Variants in RYR3 observed in about 807,000 individuals in gnomAD.
RYR3 encodes the protein brain ryanodine receptor-calcium release channel.
Under a neutral mutation model 584.3 loss-of-function variants are expected in RYR3, and 207 were observed. The ratio of observed to expected loss-of-function variants is 0.35; its 90% CI spans 0.32 to 0.40. The LOEUF is 0.40. Among genes scored for constraint, RYR3 ranks in the 10% least tolerant of loss-of-function variants. RYR3 has a pLI of 1.00. For synonymous variants in RYR3, 2,416 were observed against 2,248.5 expected (o/e 1.07, Z -2.11); for missense variants, 5,616 against 6,089.2 (o/e 0.92, Z 2.59).
At chr15:33,834,232 C>T (rs1211743424) in intron 86 of RYR3, among the ~76,000 whole-genome samples, 4 of 150,798 alleles carry the variant, frequency 2.7e-5, no homozygotes, top group Admixed American at 6.6e-5. Flanking sequence ...TGCAGTAAGC[C>T]GAGATCATGC....
At chr15:33,760,996 A>T (rs1042078383) in intron 60 of RYR3, among the ~76,000 whole-genome samples, 12 of 152,226 alleles carry the variant, frequency 7.9e-5, no homozygotes, top group African/African-American at 2.7e-4. Flanking sequence ...CTCCTCAATG[A>T]CTACTGGGTA....
At chr15:33,555,963 G>A (rs2057040511) in intron 10 of RYR3, among the ~76,000 whole-genome samples, 1 of 152,144 alleles carries the variant, frequency 6.6e-6, no homozygotes, top group Non-Finnish European at 1.5e-5. Flanking sequence ...TTCTAGATGA[G>A]AAAGTCTTAA....
chr15:33,852,504 AAATAGAGTGG>A (rs1364601394), intron 94 of RYR3: 1 of 155,706 alleles, frequency 6.4e-6, no homozygotes, highest in Non-Finnish European at 1.4e-5. Flanking sequence ...TGGGAATAGA[AAATAGAGTGG>A]AAAAACACTC....
At chr15:33,431,900 G>A (rs556943988) in intron 1 of RYR3, among the ~76,000 whole-genome samples, 7 of 152,308 alleles carry the variant, frequency 4.6e-5, no homozygotes, top group Non-Finnish European at 7.3e-5. Flanking sequence ...GGTGAGACTG[G>A]GTAGTTTGTG....
intron 32 of RYR3, among the ~76,000 whole-genome samples, chr15:33,654,509 TTA>T (rs1491495890): frequency 1.1e-5 from 1 of 91,556 alleles, no homozygotes; most frequent in African/African-American, 3.7e-5. Context: ...AGACCCTGTC[TTA>T]AAAAAAAAAA....
chr15:33,786,181 G>T lies in RYR3; in HGVS notation c.9589+199G>T, dbSNP rs557377472. 1.1e-3 allele frequency among the ~76,000 whole-genome samples: 169 copies of T among 152,242 alleles called. 1 individual carries two copies. The highest frequency in any genetic ancestry group is 1.5e-3 in the Non-Finnish European group (103 of 68,020). On this transcript the variant is annotated intron_variant, in intron 66 of 103. Transcript: ENST00000634891. ...GAGCTTCCTGGAGCCAATGCTCCCG[G>T]CCCACTCCCCTACTCATCCAGGCCC... is the stretch of plus-strand genomic sequence containing the variant.
At chr15:33,531,297 G>C (rs545455377) in intron 4 of RYR3, among the ~76,000 whole-genome samples, 3,875 of 151,870 alleles carry the variant, frequency 0.026, 62 homozygotes, top group Non-Finnish European at 0.04. Flanking sequence ...TGAAAAAATT[G>C]CTACATTTTA....
intron 43 of RYR3, among the ~76,000 whole-genome samples, chr15:33,712,113 C>T (rs1251769891): frequency 6.6e-6 from 1 of 152,082 alleles, no homozygotes; most frequent in African/African-American, 2.4e-5. Flanking sequence ...GGGGAATAGG[C>T]ACATCATAGG....
At chr15:33,340,556 T>C (rs1478036283) in intron 1 of RYR3, among the ~76,000 whole-genome samples, 1 of 152,142 alleles carries the variant, frequency 6.6e-6, no homozygotes, top group Non-Finnish European at 1.5e-5. Flanking sequence ...GTCGGCAGGT[T>C]TAGTTTCTCC....
chr15:33,705,101 TTCTCTC>T (rs10534581), intron 42 of RYR3, among the ~76,000 whole-genome samples: 5,086 of 142,156 alleles, frequency 0.036, 127 homozygotes, highest in South Asian at 0.07. Context: ...CACACACTCT[TTCTCTC>T]TCTCTCTCTC....
chr15:33,599,721 C>T (rs1268809177), intron 16 of RYR3, among the ~76,000 whole-genome samples: 8 of 152,200 alleles, frequency 5.3e-5, no homozygotes, highest in Admixed American at 3.9e-4. Context: ...TTTCCTTTCA[C>T]AAACCCATTT....
intron 1 of RYR3, among the ~76,000 whole-genome samples, chr15:33,410,769 C>T (rs1162420315): frequency 6.6e-6 from 1 of 152,176 alleles, no homozygotes; most frequent in African/African-American, 2.4e-5. Flanking sequence ...AGTCTGTTCT[C>T]ATGCTCCTAA....
chr15:33,322,414 T>A (rs2676084), intron 1 of RYR3, among the ~76,000 whole-genome samples: 2 of 151,906 alleles, frequency 1.3e-5, no homozygotes, highest in African/African-American at 4.8e-5. Context: ...TTCACAAGAA[T>A]CCCCTTTATC....
At chr15:33,628,378 G>T in intron 20 of RYR3, 93 bp from the exon 21 acceptor site, 1 of 797,308 alleles carries the variant, frequency 1.3e-6, no homozygotes, top group South Asian at 1.6e-5. Context: ...CCTCCTGGGT[G>T]ATGTGCCAAT....
intron 10 of RYR3, 98 bp from the exon 11 acceptor site, chr15:33,562,739 C>A: frequency 1.2e-6 from 1 of 811,836 alleles, no homozygotes. Flanking sequence ...TAACCAGTTG[C>A]CTGGCTTACA....
chr15:33,755,039 C>G, intron 57 of RYR3, 26 bp from the exon 58 acceptor site: 7 of 1,328,346 alleles, frequency 5.3e-6, no homozygotes, highest in Non-Finnish European at 7.6e-6. Context: ...CTGTTACTTC[C>G]TGGGGTCTGT....
chr15:33,854,748 G>A lies in RYR3; in HGVS notation c.13861-18G>A, dbSNP rs548890968. 12 of 1,586,930 alleles carry A rather than the reference G, an allele frequency of 7.6e-6. No individual in the cohort carries two copies. The highest frequency in any genetic ancestry group is 6.8e-5 in the African/African-American group (5 of 73,552). On this transcript the variant is annotated intron_variant, in intron 97 of 103. Coordinates refer to ENST00000634891, the MANE Select transcript of RYR3 (RefSeq NM_001036.6). ...ATGAGGCAAACATGCTTAAAAGTCT[G>A]CTTTCTTCCATTCCCAGTCCTTTCT...
At chr15:33,313,703 C>T (rs76824925) in intron 1 of RYR3, among the ~76,000 whole-genome samples, 1 of 152,242 alleles carries the variant, frequency 6.6e-6, no homozygotes, top group East Asian at 1.9e-4. Flanking sequence ...TTCCTCACAT[C>T]GACATGGTCC....
intron 2 of RYR3, among the ~76,000 whole-genome samples, chr15:33,485,541 A>G (rs2050343008): frequency 1.3e-5 from 2 of 152,206 alleles, no homozygotes; most frequent in African/African-American, 4.8e-5. Flanking sequence ...TTTCAGATAA[A>G]TGAGGAACTC....
Sources: allele counts gnomAD v4.1 joint callset (sites outside exome capture counted in the v4.1 genomes callset), GRCh38; gene constraint gnomAD v4.1.1; transcripts MANE v1.5; gene names NCBI Gene and HGNC (gene_info 2026-07-23, HGNC 2026-07-21).